UBE2W: variants seen among roughly 807,000 people sequenced by gnomAD.
UBE2W encodes ubiquitin-conjugating enzyme E2 W.
UBE2W carries 18 observed loss-of-function variants against 27.2 expected under a neutral mutation model. The ratio of observed to expected loss-of-function variants is 0.66; its 90% CI spans 0.46 to 0.98. The LOEUF (loss-of-function observed/expected upper bound fraction) is 0.98, where lower values mean the gene tolerates loss of function less well. UBE2W is among the 50% of genes least tolerant of loss of function. The pLI is 0.00. For synonymous variants in UBE2W, 53 were observed against 57.2 expected (o/e 0.93, Z 0.33); for missense variants, 90 against 180.2 (o/e 0.50, Z 2.87).
intron 1 of UBE2W, among the ~76,000 whole-genome samples, chr8:73,868,290 G>A (rs915341820): frequency 6.6e-6 from 1 of 152,146 alleles, no homozygotes; most frequent in African/African-American, 2.4e-5. Context: ...GTAAAAACCC[G>A]AAAGGAGAGT....
chr8:73,827,308 G>A (rs1285170886), intron 2 of UBE2W, among the ~76,000 whole-genome samples: 9 of 152,100 alleles, frequency 5.9e-5, no homozygotes, highest in Non-Finnish European at 1.2e-4. Context: ...CCGCCTCCTG[G>A]GTTCAAGTGA....
At chr8:73,878,324 G>A (rs1812324687) in intron 1 of UBE2W, among the ~76,000 whole-genome samples, 1 of 152,242 alleles carries the variant, frequency 6.6e-6, no homozygotes, top group Non-Finnish European at 1.5e-5. Flanking sequence ...AGGCCGCTAA[G>A]CGCCGTCCGC....
chr8:73,821,366 T>A (rs1029157921), intron 3 of UBE2W, among the ~76,000 whole-genome samples: 1 of 152,020 alleles, frequency 6.6e-6, no homozygotes, highest in Non-Finnish European at 1.5e-5. Flanking sequence ...ACAGAATGCA[T>A]GCAGGTGCAG....
chr8:73,869,288 T>C (rs1272386992), intron 1 of UBE2W, among the ~76,000 whole-genome samples: 1 of 152,188 alleles, frequency 6.6e-6, no homozygotes, highest in Non-Finnish European at 1.5e-5. Flanking sequence ...CCGGGCACAG[T>C]GGCTCATGCC....
At position 73,791,945 on chromosome 8, in the gene UBE2W, A is replaced by T. The variant is rs1281041694; in HGVS notation, c.*2157T>A. The stretch of plus-strand genomic sequence containing the variant: ...ATGACCTATTACTCTATAGTATAGC[A>T]TTGTTAATCTTTGACTCAGTATATT... On this transcript the variant is annotated 3_prime_UTR_variant, in exon 6 of 6. Transcript: ENST00000602593. The T allele has an allele frequency of 1.0e-6, 1 of 985,092 alleles. No individual in the cohort carries two copies. The highest frequency in any genetic ancestry group is 6.2e-5 in the Admixed American group (1 of 16,252). 61.0% of individuals were successfully genotyped at this position (985,092 alleles called of 1,614,324 possible).
At chr8:73,842,124 G>C (rs376388152) in intron 1 of UBE2W, among the ~76,000 whole-genome samples, 183 of 152,210 alleles carry the variant, frequency 1.2e-3, no homozygotes, top group African/African-American at 4.0e-3. Flanking sequence ...CAGAATCGTA[G>C]AAAGATACAT....
At chr8:73,805,458 A>AAAAAAAAAACAAAC (rs1808840970) in intron 5 of UBE2W, among the ~76,000 whole-genome samples, 193 bp downstream of exon 5, 2 of 133,180 alleles carry the variant, frequency 1.5e-5, no homozygotes, top group Admixed American at 1.7e-4. Context: ...CCATCTCAAA[A>AAAAAAAAAACAAAC]AAAAAAAAAA....
chr8:73,840,230 G>A lies in UBE2W; in HGVS notation c.16-9758C>T, dbSNP rs189785530. 3.7e-4 allele frequency among the ~76,000 whole-genome samples: 56 copies of A among 151,434 alleles called. No individual in the cohort carries two copies. The East Asian group carries it at 0.01, about 27-fold the overall frequency. ...TGCCACTACACCTGGCTAATTTTTTGTATTTTTAGTAGAGACAGGGTTTCA... is the reference window on the plus strand; with the variant it reads ...TGCCACTACACCTGGCTAATTTTTTATATTTTTAGTAGAGACAGGGTTTCA... On this transcript the variant is annotated intron_variant, in intron 1 of 5. Coordinates refer to ENST00000602593, the MANE Select transcript of UBE2W (RefSeq NM_018299.6).
chr8:73,796,084 A>AGG (rs1554578930), intron 5 of UBE2W, among the ~76,000 whole-genome samples: 3,385 of 137,132 alleles, frequency 0.025, 233 homozygotes, highest in African/African-American at 0.098. Context: ...AAAAAAAAAA[A>AGG]GGGGGATGTT....
intron 3 of UBE2W, among the ~76,000 whole-genome samples, chr8:73,818,403 C>T (rs755549745): frequency 3.3e-5 from 5 of 152,160 alleles, no homozygotes; most frequent in African/African-American, 7.2e-5. Context: ...ATGCCCTGAA[C>T]GGTTTATATG....
chr8:73,809,997 G>A (rs752423157), intron 4 of UBE2W, among the ~76,000 whole-genome samples: 1 of 151,960 alleles, frequency 6.6e-6, no homozygotes, highest in African/African-American at 2.4e-5. Context: ...CTGAAAATTC[G>A]ACTGGTAAAC....
chr8:73,852,127 A>G (rs1326972264), intron 1 of UBE2W, among the ~76,000 whole-genome samples: 1 of 152,104 alleles, frequency 6.6e-6, no homozygotes, highest in East Asian at 1.9e-4. Flanking sequence ...GGCAACTGAG[A>G]TTAAGATTAG....
chr8:73,853,289 G>A (rs191613362), intron 1 of UBE2W, among the ~76,000 whole-genome samples: 1 of 152,280 alleles, frequency 6.6e-6, no homozygotes, highest in East Asian at 1.9e-4. Context: ...AGATAAAATA[G>A]TTGGTTAGAT....
At chr8:73,840,541 C>A (rs1810498848) in intron 1 of UBE2W, among the ~76,000 whole-genome samples, 1 of 152,080 alleles carries the variant, frequency 6.6e-6, no homozygotes, top group African/African-American at 2.4e-5. Flanking sequence ...AAATATCAAC[C>A]AAGAAATTGA....
intron 1 of UBE2W, among the ~76,000 whole-genome samples, chr8:73,867,353 G>A (rs921565905): frequency 5.9e-5 from 9 of 152,236 alleles, no homozygotes; most frequent in Non-Finnish European, 1.0e-4. Context: ...TGGCCAACAC[G>A]GTGAAACCCC....
intron 1 of UBE2W, among the ~76,000 whole-genome samples, chr8:73,841,689 T>C (rs1178771191): frequency 6.6e-6 from 1 of 152,182 alleles, no homozygotes; most frequent in African/African-American, 2.4e-5. Context: ...GCAGAGTATA[T>C]ACCCCGGATA....
intron 2 of UBE2W, 130 bp from the exon 3 acceptor site, chr8:73,825,379 C>A: frequency 1.7e-6 from 1 of 582,908 alleles, no homozygotes; most frequent in Non-Finnish European, 3.1e-6. Flanking sequence ...ACAGCACATG[C>A]CAGCCTCCCA....
intron 1 of UBE2W, among the ~76,000 whole-genome samples, chr8:73,855,355 G>A (rs1811244126): frequency 6.7e-6 from 1 of 148,832 alleles, no homozygotes; most frequent in Non-Finnish European, 1.5e-5. Context: ...GAAATTTGAT[G>A]CAGTTATGAT....
chr8:73,817,702 TG>T (rs1809450433), intron 3 of UBE2W, among the ~76,000 whole-genome samples: 1 of 152,018 alleles, frequency 6.6e-6, no homozygotes, highest in Non-Finnish European at 1.5e-5. Context: ...ATTTTTAGTA[TG>T]GGTTTCACCA....
Sources: gnomAD v4.1 joint callset for allele counts (sites outside exome capture counted in the v4.1 genomes callset) on GRCh38, gnomAD v4.1.1 for gene constraint, MANE v1.5 for transcripts, NCBI Gene and HGNC (gene_info 2026-07-23, HGNC 2026-07-21) for gene names.